Variants in PLEKHA7 observed in about 807,000 individuals in gnomAD.
PLEKHA7 encodes the protein pleckstrin homology domain-containing family A member 7.
In PLEKHA7, 104 loss-of-function variants were observed where a neutral mutation model predicts 170.0. The observed-to-expected ratio is 0.61, with a 90% CI of 0.52 to 0.72. PLEKHA7 has a LOEUF of 0.72. Among genes scored for constraint, PLEKHA7 ranks in the 30% least tolerant of loss-of-function variants. PLEKHA7 has a pLI of 0.00. For missense variants in PLEKHA7, 1,615 were observed against 1,671.7 expected (o/e 0.97, Z 0.59); for synonymous variants, 648 against 660.8 (o/e 0.98, Z 0.30).
At chr11:16,935,199 A>T (rs1301767628) in intron 3 of PLEKHA7, among the ~76,000 whole-genome samples, 1 of 152,112 alleles carries the variant, frequency 6.6e-6, no homozygotes, top group African/African-American at 2.4e-5. Context: ...CTTTGGGAGG[A>T]CAAGGCAGGC....
intron 3 of PLEKHA7, among the ~76,000 whole-genome samples, chr11:16,932,102 A>C (rs1053434248): frequency 2.0e-5 from 3 of 152,004 alleles, no homozygotes; most frequent in African/African-American, 7.3e-5. Flanking sequence ...TCACCCACTT[A>C]CCAGCTGGGG....
chr11:16,933,212 A>G (rs997154559), intron 3 of PLEKHA7, among the ~76,000 whole-genome samples: 3 of 152,352 alleles, frequency 2.0e-5, no homozygotes, highest in Admixed American at 2.0e-4. Flanking sequence ...AATGAGTACT[A>G]TTATAGTCCC....
At chr11:16,989,906 C>T (rs1434933775) in intron 3 of PLEKHA7, among the ~76,000 whole-genome samples, 2 of 151,998 alleles carry the variant, frequency 1.3e-5, no homozygotes, top group Non-Finnish European at 1.5e-5. Context: ...CTTGAAGGGC[C>T]GAAGCATGCC....
chr11:16,884,263 C>T (rs1439634645), intron 3 of PLEKHA7, among the ~76,000 whole-genome samples: 1 of 152,116 alleles, frequency 6.6e-6, no homozygotes, highest in Non-Finnish European at 1.5e-5. Flanking sequence ...CAATTTGTCC[C>T]CCAAACTAGT....
intron 26 of PLEKHA7, 67 bp downstream of exon 26, chr11:16,782,687 G>A: frequency 7.2e-6 from 11 of 1,517,826 alleles, no homozygotes; most frequent in Non-Finnish European, 9.7e-6. Context: ...AACAGGCCAT[G>A]CTGGGCCCAA....
Position 16,826,321 on chromosome 11 carries a change from GGGCCAGTGGGTAAATCCATAAACAA to G in PLEKHA7, c.1117_1141del (p.Leu373GlnfsTer125). 6.2e-7 allele frequency: 1 copy of G among 1,614,204 alleles called. No homozygotes were observed. The highest frequency in any genetic ancestry group is 1.1e-5 in the South Asian group (1 of 91,088). On this transcript the variant is annotated frameshift_variant, in exon 10 of 27. Transcript: ENST00000531066. LOFTEE classifies it high-confidence loss of function. ...TTGGGGCTGTGCCTGCTGGCCTCTT[GGGCCAGTGGGTAAATCCATAAACAA>G]GGCATCCTCCTCGGCTGGCGAGTAC...
chr11:16,937,256 A>G (rs1860369418), intron 3 of PLEKHA7, among the ~76,000 whole-genome samples: 1 of 152,232 alleles, frequency 6.6e-6, no homozygotes. Flanking sequence ...GGCCTTATTC[A>G]TTTGTTCTAA....
intron 3 of PLEKHA7, among the ~76,000 whole-genome samples, chr11:16,934,466 A>G (rs1860151096): frequency 6.6e-6 from 1 of 152,220 alleles, no homozygotes; most frequent in South Asian, 2.1e-4. Flanking sequence ...GAAGCAGCCC[A>G]TGTTTACACA....
chr11:16,993,361 C>T (rs1484610879), intron 3 of PLEKHA7, among the ~76,000 whole-genome samples: 2 of 152,094 alleles, frequency 1.3e-5, no homozygotes, highest in Non-Finnish European at 2.9e-5. Context: ...ACAATTCCTG[C>T]AGGTTCAGCA....
intron 3 of PLEKHA7, among the ~76,000 whole-genome samples, chr11:16,904,630 T>C (rs555062798): frequency 7.9e-5 from 12 of 151,844 alleles, no homozygotes; most frequent in African/African-American, 2.6e-4. Context: ...TTTCTCTGAA[T>C]ATTACTGCTT....
chr11:16,844,067 C>T (rs1472705697), intron 8 of PLEKHA7, among the ~76,000 whole-genome samples: 2 of 152,288 alleles, frequency 1.3e-5, no homozygotes. Context: ...ACTCTCCCAG[C>T]CTTTTGTGCC....
chr11:16,948,395 AT>A (rs1861184301), intron 3 of PLEKHA7, among the ~76,000 whole-genome samples: 1 of 152,220 alleles, frequency 6.6e-6, no homozygotes. Flanking sequence ...CTATCAAAAC[AT>A]CATGCTATAC....
At chr11:16,998,528 A>G (rs534811831) in intron 3 of PLEKHA7, among the ~76,000 whole-genome samples, 130 of 152,340 alleles carry the variant, frequency 8.5e-4, no homozygotes, top group African/African-American at 2.7e-3. Flanking sequence ...ACAGGAAGCC[A>G]ATTACTTTCC....
intron 3 of PLEKHA7, among the ~76,000 whole-genome samples, chr11:16,874,433 G>C (rs1403325685): frequency 1.0e-3 from 1 of 960 alleles, no homozygotes; most frequent in Non-Finnish European, 2.2e-3. Flanking sequence ...CCCGAGCCCA[G>C]GAGTCAAGGC....
intron 3 of PLEKHA7, among the ~76,000 whole-genome samples, chr11:16,982,975 A>G (rs186488394): frequency 6.4e-4 from 97 of 151,910 alleles, no homozygotes; most frequent in African/African-American, 2.2e-3. Flanking sequence ...CTCACCCCTC[A>G]CCCTTCAGGA....
intron 4 of PLEKHA7, among the ~76,000 whole-genome samples, chr11:16,865,287 C>T (rs1194854202): frequency 6.6e-6 from 1 of 152,248 alleles, no homozygotes. Flanking sequence ...TATTAGCTCT[C>T]CCATGAGGCA....
intron 13 of PLEKHA7, among the ~76,000 whole-genome samples, chr11:16,804,230 T>A (rs1462924941): frequency 6.6e-6 from 1 of 152,108 alleles, no homozygotes. Flanking sequence ...GGAAACCACC[T>A]CACTGAGCTC....
intron 3 of PLEKHA7, among the ~76,000 whole-genome samples, chr11:16,889,419 A>T (rs60318761): frequency 7.5e-5 from 8 of 106,720 alleles, no homozygotes; most frequent in African/African-American, 3.4e-4. Flanking sequence ...AAAAAAAAAA[A>T]AATATATATA....
chr11:16,872,588 T>C (rs772005533), intron 3 of PLEKHA7, among the ~76,000 whole-genome samples: 1 of 152,118 alleles, frequency 6.6e-6, no homozygotes, highest in South Asian at 2.1e-4. Context: ...GGGGTGATCA[T>C]GGCTTGCTGC....
Sources: allele counts gnomAD v4.1 joint callset (sites outside exome capture counted in the v4.1 genomes callset), GRCh38; gene constraint gnomAD v4.1.1; transcripts MANE v1.5; gene names NCBI Gene and HGNC (gene_info 2026-07-23, HGNC 2026-07-21).